Variants in HDAC4 observed in about 807,000 individuals in gnomAD.
The protein encoded by HDAC4 is histone deacetylase A.
In HDAC4, 16 loss-of-function variants were observed where a neutral mutation model predicts 135.1. The ratio of observed to expected loss-of-function variants is 0.12; its 90% CI spans 0.08 to 0.18. The LOEUF is 0.18. Among genes scored for constraint, HDAC4 ranks in the 10% least tolerant of loss-of-function variants. The pLI is 1.00. For missense variants in HDAC4, 1,143 were observed against 1,511.8 expected (o/e 0.76, Z 4.05); for synonymous variants, 685 against 653.4 (o/e 1.05, Z -0.74).
rs1360905080 is a variant in HDAC4, at chr2:239,141,492, G to A, written c.866-1696C>T. Among the ~76,000 whole-genome samples, 5 of 152,256 alleles carry A rather than the reference G, an allele frequency of 3.3e-5. No homozygotes were observed. Among genetic ancestry groups the A allele is most frequent in the Middle Eastern group, 3.4e-3 (1 of 294 alleles). ...CCAGAGGTAGGCTTCTCCCGCTGCCGAGGCCATGTTATTTGCACTGTGAGT... is the reference window on the plus strand; with the variant it reads ...CCAGAGGTAGGCTTCTCCCGCTGCCAAGGCCATGTTATTTGCACTGTGAGT... On this transcript the variant is annotated intron_variant, in intron 8 of 26. Transcript: ENST00000543185. The surrounding 1 kb of genome is among the most constrained non-coding windows in gnomAD (Gnocchi z 4.9).
chr2:239,178,677 C>G (rs1188140921), intron 4 of HDAC4, among the ~76,000 whole-genome samples: 1 of 152,240 alleles, frequency 6.6e-6, no homozygotes, highest in Non-Finnish European at 1.5e-5. Flanking sequence ...AGCTGCCTCA[C>G]CCGGCCACTG....
At chr2:239,244,410 C>T (rs1419497489) in intron 2 of HDAC4, among the ~76,000 whole-genome samples, 2 of 152,150 alleles carry the variant, frequency 1.3e-5, no homozygotes, top group South Asian at 2.1e-4. Context: ...TCCTGGAGGG[C>T]GTGGTGCGGT....
chr2:239,227,045 G>C (rs1050116759), intron 3 of HDAC4, among the ~76,000 whole-genome samples: 2 of 152,224 alleles, frequency 1.3e-5, no homozygotes, highest in Non-Finnish European at 2.9e-5. Flanking sequence ...AGTCAGAAAG[G>C]ATCTGGGTGA....
Position 239,081,499 on chromosome 2 carries a change from G to A in HDAC4, c.2653-307C>T, listed in dbSNP as rs562215497. ...GACCCGCCGCCCTGTGTTGTGTGCC[G>A]TGTGTTACATCAGGGAATCAGACCT... On this transcript the variant is annotated intron_variant, in intron 21 of 26. Transcript: ENST00000543185. Among the ~76,000 whole-genome samples the A allele has an allele frequency of 7.2e-5, 11 of 152,374 alleles. No individual in the cohort carries two copies. The South Asian group carries it at 8.3e-4, about 11-fold the overall frequency.
At chr2:239,395,503 C>A (rs1299745324) in intron 1 of HDAC4, among the ~76,000 whole-genome samples, 2 of 152,240 alleles carry the variant, frequency 1.3e-5, no homozygotes, top group African/African-American at 2.4e-5. Context: ...TTAAAGAGTA[C>A]TTTTCTTTCC....
intron 14 of HDAC4, among the ~76,000 whole-genome samples, chr2:239,110,825 G>A (rs1044146017): frequency 6.6e-6 from 1 of 152,246 alleles, no homozygotes; most frequent in Non-Finnish European, 1.5e-5. Context: ...CCCTGCAGGG[G>A]TGGCTGGGTG....
intron 1 of HDAC4, among the ~76,000 whole-genome samples, chr2:239,375,896 G>T (rs1694969818): frequency 6.6e-6 from 1 of 152,212 alleles, no homozygotes; most frequent in African/African-American, 2.4e-5. Flanking sequence ...TGGAGAAGAG[G>T]GGGGTGCCTG....
intron 3 of HDAC4, among the ~76,000 whole-genome samples, chr2:239,227,269 A>AGAG: frequency 6.6e-6 from 1 of 152,262 alleles, no homozygotes; most frequent in Non-Finnish European, 1.5e-5. Flanking sequence ...TACCCTCTGG[A>AGAG]GAGGGAGATG....
chr2:239,284,700 G>A (rs1213396473), intron 2 of HDAC4, among the ~76,000 whole-genome samples: 1 of 152,156 alleles, frequency 6.6e-6, no homozygotes, highest in Non-Finnish European at 1.5e-5. Flanking sequence ...TCTGCAGGGG[G>A]AAAGGCACCA....
intron 2 of HDAC4, among the ~76,000 whole-genome samples, chr2:239,312,161 C>T (rs1024393905): frequency 3.3e-5 from 5 of 152,216 alleles, no homozygotes; most frequent in African/African-American, 1.2e-4. Context: ...CACACTGCAA[C>T]CTGGAAGGAG....
intron 19 of HDAC4, 55 bp from the exon 20 acceptor site, chr2:239,084,297 C>T: frequency 7.8e-7 from 1 of 1,283,008 alleles, no homozygotes; most frequent in Non-Finnish European, 1.1e-6. Flanking sequence ...TGGCCAGTTT[C>T]TCCACGGCCC....
At chr2:239,197,582 T>C (rs559975165) in intron 3 of HDAC4, among the ~76,000 whole-genome samples, 1 of 152,324 alleles carries the variant, frequency 6.6e-6, no homozygotes, top group South Asian at 2.1e-4. Flanking sequence ...CCCAGAACAA[T>C]ACTGGGTCTT....
At chr2:239,392,124 G>A (rs991158079) in intron 1 of HDAC4, among the ~76,000 whole-genome samples, 3 of 152,232 alleles carry the variant, frequency 2.0e-5, no homozygotes, top group African/African-American at 7.2e-5. Flanking sequence ...CAGCCCGGCT[G>A]CTACCCTCGG....
At chr2:239,371,260 C>T (rs1694590894) in intron 1 of HDAC4, among the ~76,000 whole-genome samples, 1 of 152,346 alleles carries the variant, frequency 6.6e-6, no homozygotes, top group South Asian at 2.1e-4. Flanking sequence ...TGACCTCAAA[C>T]TCACACACTC....
At chr2:239,233,365 C>T (rs1213190204) in intron 3 of HDAC4, among the ~76,000 whole-genome samples, 1 of 151,750 alleles carries the variant, frequency 6.6e-6, no homozygotes, top group African/African-American at 2.4e-5. Flanking sequence ...CACGGTGACA[C>T]TCAAAGGCAA....
chr2:239,109,444 T>C (rs1575059785), intron 14 of HDAC4, among the ~76,000 whole-genome samples: 1 of 152,072 alleles, frequency 6.6e-6, no homozygotes, highest in South Asian at 2.1e-4. Context: ...AGATTCAAGG[T>C]GGTCCAGTGT....
rs372034786 is a variant in HDAC4, at chr2:239,240,106, C to A, written c.23-3442G>T. ...AGGGCAGCAGCCATGATCGAGAAGCCAAACACTAAAGGCGTTTTGCCAGAG... is the reference window on the plus strand; with the variant it reads ...AGGGCAGCAGCCATGATCGAGAAGCAAAACACTAAAGGCGTTTTGCCAGAG... On this transcript the variant is annotated intron_variant, in intron 2 of 26. Coordinates refer to ENST00000543185, the MANE Select transcript of HDAC4 (RefSeq NM_001378414.1). The surrounding 1 kb of genome is among the most constrained non-coding windows in gnomAD (Gnocchi z 4.5). 5.9e-5 allele frequency among the ~76,000 whole-genome samples: 9 copies of A among 152,378 alleles called. No homozygotes were observed. Among genetic ancestry groups the A allele is most frequent in the African/African-American group, 1.9e-4 (8 of 41,592 alleles).
At chr2:239,361,013 C>T (rs933731786) in intron 1 of HDAC4, among the ~76,000 whole-genome samples, 2 of 152,214 alleles carry the variant, frequency 1.3e-5, no homozygotes, top group African/African-American at 4.8e-5. Flanking sequence ...CCAGAAACTG[C>T]TCCTGATCGC....
At chr2:239,085,197 A>G (rs1395271927) in intron 19 of HDAC4, among the ~76,000 whole-genome samples, 1 of 151,976 alleles carries the variant, frequency 6.6e-6, no homozygotes, top group Non-Finnish European at 1.5e-5. Context: ...CCCAGGAGAC[A>G]TGGCAGCCGT....
Sources: allele counts gnomAD v4.1 joint callset (sites outside exome capture counted in the v4.1 genomes callset), GRCh38; gene constraint gnomAD v4.1.1; non-coding constraint Gnocchi (gnomAD v3.1); transcripts MANE v1.5; gene names NCBI Gene and HGNC (gene_info 2026-07-23, HGNC 2026-07-21).